The following WWOX variants were observed in gnomAD, a reference collection of about 807,000 sequenced individuals.
The protein encoded by WWOX is WW domain-containing oxidoreductase.
In WWOX, 69 loss-of-function variants were observed where a neutral mutation model predicts 46.2. The ratio of observed to expected loss-of-function variants is 1.49; its 90% CI spans 1.23 to 1.82. The LOEUF is 1.82. Among genes scored for constraint, WWOX ranks in the 40% most tolerant of loss-of-function variants. The pLI is 0.00. For missense variants in WWOX, 919 were observed against 542.6 expected (o/e 1.69, Z -6.89); for synonymous variants, 359 against 202.6 (o/e 1.77, Z -6.56).
chr16:78,935,926 T>A (rs547666719), intron 8 of WWOX, among the ~76,000 whole-genome samples: 168 of 151,260 alleles, frequency 1.1e-3, no homozygotes, highest in African/African-American at 3.8e-3. Context: ...TAAAATAAAA[T>A]AAAATAAGCA....
intron 8 of WWOX, among the ~76,000 whole-genome samples, chr16:78,959,127 C>T (rs995082575): frequency 6.6e-6 from 1 of 152,184 alleles, no homozygotes; most frequent in African/African-American, 2.4e-5. Flanking sequence ...TTTATCCGAA[C>T]TTACCGCTAG....
At chr16:79,074,296 T>G (rs940386411) in intron 8 of WWOX, among the ~76,000 whole-genome samples, 16 of 151,914 alleles carry the variant, frequency 1.1e-4, no homozygotes, top group Non-Finnish European at 1.8e-4. Context: ...TAATGATGGT[T>G]GGCTGTCACC....
chr16:78,321,604 G>A lies in WWOX; in HGVS notation c.517-65256G>A, dbSNP rs930270734. ...GGATGTCCTAACAGTGAATAAAGAC[G>A]TGGGGCTTGAATTTATGTATTATCT... On this transcript the variant is annotated intron_variant, in intron 5 of 8. Coordinates refer to ENST00000566780, the MANE Select transcript of WWOX (RefSeq NM_016373.4). Among the ~76,000 whole-genome samples the A allele has an allele frequency of 9.2e-5, 14 of 152,046 alleles. No individual in the cohort carries two copies. In the South Asian group the frequency reaches 2.1e-3, roughly 23 times the overall value.
intron 8 of WWOX, among the ~76,000 whole-genome samples, chr16:78,646,687 C>G (rs74645233): frequency 6.6e-6 from 1 of 152,110 alleles, no homozygotes; most frequent in African/African-American, 2.4e-5. Context: ...CTGGGCCTCC[C>G]GTAGTGATAG....
Position 78,405,454 on chromosome 16 carries a change from C to T in WWOX, c.605+18506C>T, listed in dbSNP as rs540011680. On this transcript the variant is annotated intron_variant, in intron 6 of 8. Transcript: ENST00000566780. The stretch of plus-strand genomic sequence containing the variant: ...GGTCCTTTCAAATTTAAAGGAATAG[C>T]TGATGGTCACTGGCCACCCAAGCTG... 2.2e-3 allele frequency among the ~76,000 whole-genome samples: 339 copies of T among 152,310 alleles called. 1 individual carries two copies. The highest frequency in any genetic ancestry group is 7.8e-3 in the African/African-American group (325 of 41,564).
At chr16:78,265,696 AC>A (rs2079348348) in intron 5 of WWOX, among the ~76,000 whole-genome samples, 1 of 150,734 alleles carries the variant, frequency 6.6e-6, no homozygotes, top group African/African-American at 2.4e-5. Flanking sequence ...AAAAAAAACA[AC>A]AAAAAACACG....
chr16:78,609,842 G>A (rs1357674861), intron 8 of WWOX, among the ~76,000 whole-genome samples: 6 of 152,202 alleles, frequency 3.9e-5, no homozygotes, highest in Non-Finnish European at 7.3e-5. Flanking sequence ...AAAAATGTGC[G>A]TGTTTTTAGT....
chr16:78,412,852 C>A (rs1489844541), intron 6 of WWOX, among the ~76,000 whole-genome samples: 1 of 152,152 alleles, frequency 6.6e-6, no homozygotes, highest in Non-Finnish European at 1.5e-5. Context: ...AAACTATAGA[C>A]CATAAATGGG....
chr16:78,485,208 A>G (rs557278574), intron 8 of WWOX, among the ~76,000 whole-genome samples: 63 of 152,290 alleles, frequency 4.1e-4, no homozygotes, highest in Non-Finnish European at 7.8e-4. Flanking sequence ...CTGAGTGGGA[A>G]GTGTAGAGTT....
rs188548794 is a variant in WWOX at position 79,019,548 on chromosome 16, G to T, written c.1057-192060G>T. ...GTCATTGACTGAAAGTTGTCATGTAGCCCATGACTATCGTCTCTTTTAGGG... is the reference window on the plus strand; with the variant it reads ...GTCATTGACTGAAAGTTGTCATGTATCCCATGACTATCGTCTCTTTTAGGG... On this transcript the variant is annotated intron_variant, in intron 8 of 8. Coordinates refer to ENST00000566780, the MANE Select transcript of WWOX (RefSeq NM_016373.4). 4.6e-5 allele frequency among the ~76,000 whole-genome samples: 7 copies of T among 152,214 alleles called. No individual in the cohort carries two copies. The East Asian group carries it at 1.4e-3, about 29-fold the overall frequency.
At chr16:78,169,799 C>T (rs138689866) in intron 5 of WWOX, among the ~76,000 whole-genome samples, 166 of 151,920 alleles carry the variant, frequency 1.1e-3, no homozygotes, top group African/African-American at 3.7e-3. Flanking sequence ...GAGGCAGGGG[C>T]GGTGGATTGA....
At chr16:79,175,156 C>G (rs1238207998) in intron 8 of WWOX, among the ~76,000 whole-genome samples, 2 of 152,186 alleles carry the variant, frequency 1.3e-5, no homozygotes, top group Non-Finnish European at 2.9e-5. Context: ...AGTTGAACAA[C>G]TCTGCCTTAA....
At chr16:78,876,508 C>A (rs2044237278) in intron 8 of WWOX, among the ~76,000 whole-genome samples, 1 of 149,990 alleles carries the variant, frequency 6.7e-6, no homozygotes, top group Admixed American at 6.7e-5. Context: ...AGGGTAAGAT[C>A]TGCTGTCTTG....
rs190580046 is a variant in WWOX, at chr16:78,799,079, A to T, written c.1056+366327A>T. Among the ~76,000 whole-genome samples, 1,040 of 152,308 alleles carry T rather than the reference A, an allele frequency of 6.8e-3. 9 individuals carry two copies. Among genetic ancestry groups the T allele is most frequent in the Non-Finnish European group, 0.012 (850 of 68,020 alleles). ...CTATACCTTGTCAATCCATTTTGTCACAATAAGTGTTTTTAAATTGTGTAG... is the reference window on the plus strand; with the variant it reads ...CTATACCTTGTCAATCCATTTTGTCTCAATAAGTGTTTTTAAATTGTGTAG... On this transcript the variant is annotated intron_variant, in intron 8 of 8. Transcript: ENST00000566780.
rs201417061 is a variant in WWOX at position 78,432,580 on chromosome 16, G to A, written c.884G>A (p.Arg295Lys). 1 of 1,614,182 alleles carries A rather than the reference G, an allele frequency of 6.2e-7. No homozygotes were observed. Among genetic ancestry groups the A allele is most frequent in the East Asian group, 2.2e-5 (1 of 44,878 alleles). Reference protein sequence around the residue: ...NDYWAMLAYNRSKLCNILFSN... With the variant: ...NDYWAMLAYNKSKLCNILFSN... ...TATTGGGCGATGCTGGCTTATAACA[G>A]GTCCAAGCTCTGCAACATCCTCTTC... is the stretch of plus-strand genomic sequence containing the variant. The change falls in exon 8 of 9, where the codon AGG becomes AAG. Residue 295 changes from arginine (R) to lysine (K), a missense_variant. Arg to Lys is a conservative substitution (Grantham distance 26). Transcript: ENST00000566780.
At chr16:78,830,098 C>A (rs538042781) in intron 8 of WWOX, among the ~76,000 whole-genome samples, 18 of 151,990 alleles carry the variant, frequency 1.2e-4, no homozygotes, top group Non-Finnish European at 2.5e-4. Flanking sequence ...AGACCCTCAT[C>A]TCTATAAAAA....
intron 8 of WWOX, chr16:78,535,159 A>C (rs2043728455): frequency 6.6e-6 from 1 of 152,162 alleles, no homozygotes; most frequent in Admixed American, 6.5e-5. Context: ...CATTGCATGG[A>C]GATCCTTGTA....
intron 8 of WWOX, among the ~76,000 whole-genome samples, chr16:78,505,400 C>T (rs530997819): frequency 1.3e-5 from 2 of 152,284 alleles, no homozygotes; most frequent in South Asian, 4.2e-4. Flanking sequence ...GAGTGGGGCT[C>T]AGGACACTCT....
chr16:78,359,219 T>C (rs574567396), intron 5 of WWOX, among the ~76,000 whole-genome samples: 1 of 152,330 alleles, frequency 6.6e-6, no homozygotes, highest in African/African-American at 2.4e-5. Context: ...TGAGCTGGTA[T>C]CTCCTCTGAT....
Sources: gnomAD v4.1 joint callset for allele counts (sites outside exome capture counted in the v4.1 genomes callset) on GRCh38, gnomAD v4.1.1 for gene constraint, MANE v1.5 for transcripts, NCBI Gene and HGNC (gene_info 2026-07-23, HGNC 2026-07-21) for gene names.